The following INSR variants were observed in gnomAD, a reference collection of about 807,000 sequenced individuals.
INSR encodes insulin receptor.
A neutral mutation model predicts 142.6 loss-of-function variants in INSR; 67 were observed. That is an observed-to-expected ratio of 0.47 (90% CI 0.39 to 0.58). The LOEUF (loss-of-function observed/expected upper bound fraction) is 0.58, where lower values mean the gene tolerates loss of function less well. INSR is among the 20% of genes least tolerant of loss of function. INSR has a pLI of 0.00. For missense variants in INSR, 1,248 were observed against 1,833.2 expected, an observed-to-expected ratio of 0.68 and a Z score of 5.83; for synonymous variants, 756 against 743.1, an observed-to-expected ratio of 1.02 and a Z score of -0.28.
chr19:7,252,665 A>C (rs1194259678), intron 2 of INSR, among the ~76,000 whole-genome samples: 2 of 152,158 alleles, frequency 1.3e-5, no homozygotes, highest in Admixed American at 6.5e-5. Flanking sequence ...CCGAGTAAAA[A>C]TGTTTTCCTT....
At chr19:7,249,847 C>T (rs6510973) in intron 2 of INSR, among the ~76,000 whole-genome samples, 115,487 of 151,638 alleles carry the variant, frequency 0.76, 44,418 homozygotes, top group South Asian at 0.9. Context: ...AAAAAATTAG[C>T]CGGGCGTGGT....
chr19:7,141,350 C>G (rs187171571), intron 13 of INSR, among the ~76,000 whole-genome samples: 5 of 152,262 alleles, frequency 3.3e-5, no homozygotes, highest in African/African-American at 1.2e-4. Context: ...CCACTGTACC[C>G]AGCAATTTAT....
At chr19:7,187,972 T>C (rs887113214) in intron 2 of INSR, among the ~76,000 whole-genome samples, 1 of 152,156 alleles carries the variant, frequency 6.6e-6, no homozygotes, top group African/African-American at 2.4e-5. Context: ...TTGGGGGGTC[T>C]AATCCCTGCC....
At position 7,221,378 on chromosome 19, in the gene INSR, AAGGAGGAGG is replaced by A. The variant is rs71177175; in HGVS notation, c.653-36750_653-36742del. Among the ~76,000 whole-genome samples the A allele has an allele frequency of 5.1e-4, 72 of 140,174 alleles. 1 individual carries two copies. In the South Asian group the frequency reaches 0.013, roughly 25 times the overall value. The allele number at this position is 140,174 out of a possible 152,430, so 92.0% of individuals were successfully genotyped here. On this transcript the variant is annotated intron_variant, in intron 2 of 21. Coordinates refer to ENST00000302850, the MANE Select transcript of INSR (RefSeq NM_000208.4). ...AATAGAGTGAGACTCTGTCAAAAAA[AAGGAGGAGG>A]AGGAGGAGGAGGAGGAGGAAAGAAG...
rs1259966263 is a variant in INSR at position 7,201,908 on chromosome 19, G to GC, written c.653-17272dup. On this transcript the variant is annotated intron_variant, in intron 2 of 21. Coordinates refer to ENST00000302850, the MANE Select transcript of INSR (RefSeq NM_000208.4). ...GATCTCCTGACCTCGTGATCCACCC[G>GC]CCTCGGCCTCCCAAAGTGTTGGGAT... 9.2e-5 allele frequency among the ~76,000 whole-genome samples: 14 copies of GC among 152,018 alleles called. 2 individuals are homozygous for GC. The South Asian group carries it at 2.9e-3, about 32-fold the overall frequency.
At position 7,288,950 on chromosome 19, in the gene INSR, GAAAA is replaced by G. The variant is rs34590794; in HGVS notation, c.100+4838_100+4841del. ...TGCACACCAGCCCGGGTGAAGAAGT[GAAAA>G]AAAAAAAAAAAAAAAAGTGAGCTGA... On this transcript the variant is annotated intron_variant, in intron 1 of 21. Transcript: ENST00000302850. 4.3e-3 allele frequency among the ~76,000 whole-genome samples: 378 copies of G among 88,694 alleles called. 1 individual carries two copies. Among genetic ancestry groups the G allele is most frequent in the African/African-American group, 0.015 (358 of 23,804 alleles). The allele number at this position is 88,694 out of a possible 152,430, so 58.2% of individuals were successfully genotyped here. A position where few individuals can be genotyped will look rare whatever the true frequency, so the allele number is the denominator to read the frequency against.
Position 7,166,043 on chromosome 19 carries a change from A to AG in INSR, c.1861+110_1861+111insC. 2 of 1,279,730 alleles carry AG rather than the reference A, an allele frequency of 1.6e-6. No individual in the cohort carries two copies. Among genetic ancestry groups the AG allele is most frequent in the East Asian group, 4.7e-5 (2 of 42,194 alleles). 79.3% of individuals were successfully genotyped at this position (1,279,730 alleles called of 1,614,324 possible). On this transcript the variant is annotated intron_variant, in intron 8 of 21. Transcript: ENST00000302850. This position sits in a 1 kb window ranked among gnomAD's most constrained non-coding sequence, Gnocchi z 4.1. ...AGTAAGACCCTGTCTAAAAAAAAAA[A>AG]AAAAGCCAATAACCATATCAAGGAG...
intron 1 of INSR, among the ~76,000 whole-genome samples, chr19:7,277,536 G>A (rs1031092331): frequency 8.5e-5 from 13 of 152,162 alleles, no homozygotes; most frequent in African/African-American, 2.4e-5. Flanking sequence ...CAGTGGTCAT[G>A]CCTGTAATCC....
intron 1 of INSR, among the ~76,000 whole-genome samples, chr19:7,281,532 C>T (rs1483030679): frequency 6.6e-6 from 1 of 151,676 alleles, no homozygotes; most frequent in Non-Finnish European, 1.5e-5. Flanking sequence ...AATAAAAAAA[C>T]TAGCCAGGCA....
At chr19:7,219,552 AGGG>A (rs1371955727) in intron 2 of INSR, among the ~76,000 whole-genome samples, 1 of 93,786 alleles carries the variant, frequency 1.1e-5, no homozygotes, top group African/African-American at 4.3e-5. Flanking sequence ...GAGGGAGGGA[AGGG>A]GGAGAGAGAA....
chr19:7,167,967 C>T lies in INSR; in HGVS notation c.1610+1G>A. 7.4e-6 allele frequency: 12 copies of T among 1,613,924 alleles called. No homozygotes were observed. Among genetic ancestry groups the T allele is most frequent in the African/African-American group, 1.3e-5 (1 of 75,004 alleles). On this transcript the variant is annotated splice_donor_variant, in intron 7 of 21. Coordinates refer to ENST00000302850, the MANE Select transcript of INSR (RefSeq NM_000208.4). LOFTEE classifies it high-confidence loss of function. ...AGCGTCTCTCTAACTCTTCTACTTA[C>T]GCCTCTTTGTAGAACAGCATGAACC...
rs2229430 is a variant in INSR, at chr19:7,142,832, C to G, written c.2526G>C (p.Ala842=). 9.3e-3 allele frequency: 15,004 copies of G among 1,614,028 alleles called. 162 individuals carry two copies. The highest frequency in any genetic ancestry group is 0.043 in the African/African-American group (3,241 of 75,046). ...CAGCCCTACCTTCAGGCATGGTCCT[C>G]GCACTGACGTAGGCTGCCACACTGC... The part of the protein sequence containing the change: ...ERCSVAAYVS[A]RTMPEAKADD... Residue 842 remains alanine, a synonymous_variant, in exon 12 of 22, where the codon GCG becomes GCC. Coordinates refer to ENST00000302850, the MANE Select transcript of INSR (RefSeq NM_000208.4).
chr19:7,241,535 T>A (rs1443325071), intron 2 of INSR, among the ~76,000 whole-genome samples: 1 of 151,894 alleles, frequency 6.6e-6, no homozygotes, highest in Non-Finnish European at 1.5e-5. Context: ...GGCAGGAGAA[T>A]CACTTGAACC....
chr19:7,293,759 G>T, intron 1 of INSR, 33 bp downstream of exon 1: 2 of 1,322,896 alleles, frequency 1.5e-6, no homozygotes, highest in South Asian at 2.0e-5. Flanking sequence ...CCATCGCGGC[G>T]CTCCCCGCCC....
chr19:7,209,464 C>T (rs1283478536), intron 2 of INSR, among the ~76,000 whole-genome samples: 1 of 152,186 alleles, frequency 6.6e-6, no homozygotes, highest in African/African-American at 2.4e-5. Context: ...GGGTCTTTCT[C>T]TGTCACCCAG....
At chr19:7,175,788 T>C (rs1035705946) in intron 3 of INSR, among the ~76,000 whole-genome samples, 6 of 150,698 alleles carry the variant, frequency 4.0e-5, no homozygotes, top group Non-Finnish European at 7.4e-5. Context: ...TGAGCCGAGA[T>C]AGCACCACTG....
chr19:7,210,672 C>T (rs1975247721), intron 2 of INSR, among the ~76,000 whole-genome samples: 2 of 151,874 alleles, frequency 1.3e-5, no homozygotes, highest in African/African-American at 2.4e-5. Flanking sequence ...GTGCCAAAAC[C>T]GTCTTCAAGA....
chr19:7,209,907 T>C (rs1038943390), intron 2 of INSR, among the ~76,000 whole-genome samples: 1 of 152,090 alleles, frequency 6.6e-6, no homozygotes, highest in Non-Finnish European at 1.5e-5. Context: ...ACAAAAACGC[T>C]GTGAAAGTCA....
intron 1 of INSR, among the ~76,000 whole-genome samples, chr19:7,291,430 C>T (rs529211355): frequency 6.6e-6 from 1 of 152,352 alleles, no homozygotes; most frequent in African/African-American, 2.4e-5. Context: ...TGAGAGCTTG[C>T]TCTTCTAATT....
Sources: gnomAD v4.1 joint callset for allele counts (sites outside exome capture counted in the v4.1 genomes callset) on GRCh38, gnomAD v4.1.1 for gene constraint, Gnocchi (gnomAD v3.1) non-coding constraint, MANE v1.5 for transcripts, NCBI Gene and HGNC (gene_info 2026-07-23, HGNC 2026-07-21) for gene names.